Variants in SNX7 observed in about 807,000 individuals in gnomAD.
The protein encoded by SNX7 is sorting nexin-7.
In SNX7, 35 loss-of-function variants were observed where a neutral mutation model predicts 48.4. The ratio of observed to expected loss-of-function variants is 0.72; its 90% CI spans 0.55 to 0.96. The LOEUF is 0.96. SNX7 is among the 40% of genes least tolerant of loss of function. The probability of loss-of-function intolerance (pLI) is 0.00; values close to 1 mark genes in which losing one functional copy is unlikely to be tolerated. For synonymous variants in SNX7, 190 were observed against 190.2 expected (o/e 1.00, Z 0.01); for missense variants, 553 against 548.9 (o/e 1.01, Z -0.07).
At chr1:98,681,762 CAG>C (rs1160348720) in intron 1 of SNX7, among the ~76,000 whole-genome samples, 13 of 152,228 alleles carry the variant, frequency 8.5e-5, no homozygotes, top group Non-Finnish European at 1.8e-4. Flanking sequence ...ATTTTTGGGA[CAG>C]AGAAATTCAA....
chr1:98,725,269 G>A (rs2101013627), intron 7 of SNX7, among the ~76,000 whole-genome samples: 1 of 152,194 alleles, frequency 6.6e-6, no homozygotes. Context: ...CGATCCTTAG[G>A]CCATCACTGT....
intron 8 of SNX7, among the ~76,000 whole-genome samples, chr1:98,755,816 A>T (rs148480304): frequency 5.5e-4 from 84 of 151,992 alleles, no homozygotes; most frequent in African/African-American, 2.0e-3. Context: ...CCTTATATTT[A>T]AAATATTTAT....
chr1:98,733,557 TGTA>T (rs1216845882), intron 7 of SNX7, among the ~76,000 whole-genome samples: 1 of 152,188 alleles, frequency 6.6e-6, no homozygotes, highest in Non-Finnish European at 1.5e-5. Flanking sequence ...AAGAACTATC[TGTA>T]GTTCTTCAGA....
chr1:98,682,279 G>A (rs1650545758), intron 1 of SNX7, among the ~76,000 whole-genome samples: 1 of 151,584 alleles, frequency 6.6e-6, no homozygotes, highest in Non-Finnish European at 1.5e-5. Flanking sequence ...TTATTTTCCT[G>A]GTCCAGTGTA....
intron 3 of SNX7, 59 bp downstream of exon 3, chr1:98,691,244 T>C (rs894380395): frequency 1.8e-5 from 18 of 1,021,346 alleles, no homozygotes; most frequent in Admixed American, 4.6e-5. Context: ...GTGAGTCTTT[T>C]TGAATGCCTA....
At chr1:98,698,485 T>C (rs1049606952) in intron 5 of SNX7, among the ~76,000 whole-genome samples, 1 of 152,212 alleles carries the variant, frequency 6.6e-6, no homozygotes, top group South Asian at 2.1e-4. Flanking sequence ...AAAAGGTATG[T>C]TATTATTGAT....
chr1:98,744,094 GTTATC>G (rs1654202440), intron 8 of SNX7, among the ~76,000 whole-genome samples: 1 of 151,984 alleles, frequency 6.6e-6, no homozygotes, highest in Non-Finnish European at 1.5e-5. Flanking sequence ...ACAAAGAACT[GTTATC>G]TTAACATGAC....
At chr1:98,752,199 G>T (rs151322095) in intron 8 of SNX7, among the ~76,000 whole-genome samples, 1 of 151,980 alleles carries the variant, frequency 6.6e-6, no homozygotes, top group East Asian at 1.9e-4. Flanking sequence ...AATACTCACT[G>T]TAATAAATTA....
rs538211559 is a variant in SNX7 at position 98,698,100 on chromosome 1, C to G, written c.839-606C>G. On this transcript the variant is annotated intron_variant, in intron 5 of 8. Transcript: ENST00000306121. The stretch of plus-strand genomic sequence containing the variant: ...TACAAAGAGTCAATGTTTCTATACT[C>G]TGATAAAAATAGAGGGAGAATAGTT... 1.6e-3 allele frequency among the ~76,000 whole-genome samples: 239 copies of G among 152,216 alleles called. 1 individual carries two copies. Among genetic ancestry groups the G allele is most frequent in the Non-Finnish European group, 2.4e-3 (165 of 67,996 alleles).
intron 1 of SNX7, among the ~76,000 whole-genome samples, chr1:98,665,252 A>G (rs1402148301): frequency 1.3e-5 from 2 of 152,200 alleles, no homozygotes; most frequent in East Asian, 3.9e-4. Flanking sequence ...AATCATCCTC[A>G]TCACCACTAG....
Position 98,662,787 on chromosome 1 carries a change from G to T in SNX7, c.180+876G>T, listed in dbSNP as rs763958863. On this transcript the variant is annotated intron_variant, in intron 1 of 8. Coordinates refer to ENST00000306121, the MANE Select transcript of SNX7 (RefSeq NM_015976.5). Reference sequence around the variant, plus strand: ...CGCTGTATTCATTACTAAGAAGCCTGTTCATTTTAACGTTACCTGGAGATA... The same window carrying T: ...CGCTGTATTCATTACTAAGAAGCCTTTTCATTTTAACGTTACCTGGAGATA... The T allele has an allele frequency of 5.8e-5, 75 of 1,289,194 alleles. No individual in the cohort carries two copies. The Middle Eastern group carries it at 1.7e-3, about 29-fold the overall frequency. The allele number at this position is 1,289,194 out of a possible 1,614,324, so 79.9% of individuals were successfully genotyped here. A position where few individuals can be genotyped will look rare whatever the true frequency, so the allele number is the denominator to read the frequency against.
intron 2 of SNX7, among the ~76,000 whole-genome samples, chr1:98,685,819 T>C (rs1042177882): frequency 2.0e-5 from 3 of 152,160 alleles, no homozygotes; most frequent in Non-Finnish European, 4.4e-5. Context: ...GCCACACTGC[T>C]ATTAGTTATG....
intron 4 of SNX7, 67 bp from the exon 5 acceptor site, chr1:98,695,451 A>AT: frequency 6.9e-7 from 1 of 1,455,716 alleles, no homozygotes; most frequent in Non-Finnish European, 9.5e-7. Flanking sequence ...AATTAGGTTT[A>AT]TTTTTGTATT....
chr1:98,698,389 C>CA (rs1196900170), intron 5 of SNX7, among the ~76,000 whole-genome samples: 1 of 152,016 alleles, frequency 6.6e-6, no homozygotes, highest in Non-Finnish European at 1.5e-5. Context: ...GTCAGGTACT[C>CA]AGATATAGTT....
At chr1:98,746,507 T>C (rs1654315000) in intron 8 of SNX7, among the ~76,000 whole-genome samples, 1 of 152,080 alleles carries the variant, frequency 6.6e-6, no homozygotes, top group Non-Finnish European at 1.5e-5. Context: ...TGAATTTGTT[T>C]GCTCACAGAA....
chr1:98,704,952 A>C (rs1651939978), intron 7 of SNX7, among the ~76,000 whole-genome samples: 2 of 152,180 alleles, frequency 1.3e-5, no homozygotes, highest in African/African-American at 4.8e-5. Context: ...AGGACATTTG[A>C]CTATGTCAGA....
At chr1:98,712,015 C>G (rs1278718480) in intron 7 of SNX7, among the ~76,000 whole-genome samples, 2 of 152,188 alleles carry the variant, frequency 1.3e-5, no homozygotes, top group Non-Finnish European at 2.9e-5. Context: ...AACGTCTCAT[C>G]TGTTCAAATT....
intron 7 of SNX7, among the ~76,000 whole-genome samples, chr1:98,705,055 CA>C (rs1651945095): frequency 6.6e-6 from 1 of 152,090 alleles, no homozygotes; most frequent in Non-Finnish European, 1.5e-5. Context: ...AATGGCATTA[CA>C]GTTACTTTTT....
chr1:98,746,492 C>T (rs1429913645), intron 8 of SNX7, among the ~76,000 whole-genome samples: 1 of 152,046 alleles, frequency 6.6e-6, no homozygotes, highest in Non-Finnish European at 1.5e-5. Flanking sequence ...TATCCTCTCA[C>T]ATACTGAATT....
Sources: allele counts gnomAD v4.1 joint callset (sites outside exome capture counted in the v4.1 genomes callset), GRCh38; gene constraint gnomAD v4.1.1; transcripts MANE v1.5; gene names NCBI Gene and HGNC (gene_info 2026-07-23, HGNC 2026-07-21).